Variants in EYS observed in about 807,000 individuals in gnomAD.
EYS encodes the protein protein eyes shut homolog.
Under a neutral mutation model 282.1 loss-of-function variants are expected in EYS, and 250 were observed. That is an observed-to-expected ratio of 0.89 (90% confidence interval 0.80 to 0.98). The LOEUF is 0.98. Ranked by LOEUF, EYS falls within the 50% of genes least tolerant of loss-of-function variation. The pLI is 0.00. For synonymous variants in EYS, 1,355 were observed against 1,282.9 expected, an observed-to-expected ratio of 1.06 and a Z score of -1.20; for missense variants, 4,016 against 3,709.0, an observed-to-expected ratio of 1.08 and a Z score of -2.15.
At chr6:64,462,604 T>A (rs1342944232) in intron 26 of EYS, among the ~76,000 whole-genome samples, 1 of 152,130 alleles carries the variant, frequency 6.6e-6, no homozygotes, top group Non-Finnish European at 1.5e-5. Flanking sequence ...GTGCTATCAA[T>A]CATCATGCTT....
chr6:63,764,550 C>A (rs1248212651), intron 40 of EYS, among the ~76,000 whole-genome samples: 1 of 151,834 alleles, frequency 6.6e-6, no homozygotes, highest in Non-Finnish European at 1.5e-5. Flanking sequence ...CATTTTATAT[C>A]TACTTGAAAA....
At chr6:64,413,665 A>G (rs1484794345) in intron 28 of EYS, among the ~76,000 whole-genome samples, 2 of 152,148 alleles carry the variant, frequency 1.3e-5, no homozygotes, top group Admixed American at 6.6e-5. Context: ...AATATAGAAA[A>G]TCAATGAAAT....
intron 32 of EYS, among the ~76,000 whole-genome samples, chr6:64,075,300 CAGAGA>C (rs1417179078): frequency 2.2e-4 from 34 of 151,918 alleles, no homozygotes; most frequent in Admixed American, 2.2e-3. Context: ...AGATGGCAGA[CAGAGA>C]AGCTCTGGGG....
rs1388490555 is a variant in EYS, at chr6:64,590,991, C to T, written c.4876G>A (p.Val1626Met). Reference protein sequence around the residue: ...EITPSVAFTEVPSLFPSKKSA... With the variant: ...EITPSVAFTEMPSLFPSKKSA... ...TTTTTAGAAGGAAATAAAGATGGCA[C>T]TTCTGTGAATGCCACTGATGGTGTT... The change falls in exon 26 of 43, where the codon GTG (valine) becomes ATG (methionine). Residue 1626 changes from valine (V) to methionine (M), a missense_variant. Coordinates refer to ENST00000503581, the MANE Select transcript of EYS (RefSeq NM_001142800.2). 1 of 1,551,170 alleles carries T rather than the reference C, an allele frequency of 6.4e-7. No homozygotes were observed. Among genetic ancestry groups the T allele is most frequent in the African/African-American group, 1.4e-5 (1 of 73,018 alleles).
At chr6:65,009,321 T>C (rs916960377) in intron 13 of EYS, among the ~76,000 whole-genome samples, 8 of 152,116 alleles carry the variant, frequency 5.3e-5, no homozygotes, top group African/African-American at 1.9e-4. Flanking sequence ...ATTCCAATTT[T>C]AGGAGTAAAG....
At chr6:64,346,562 G>A (rs1239477641) in intron 29 of EYS, among the ~76,000 whole-genome samples, 3 of 151,648 alleles carry the variant, frequency 2.0e-5, no homozygotes, top group Non-Finnish European at 4.4e-5. Context: ...TGGGGTGGGG[G>A]GAGTGGGGAG....
At chr6:64,014,141 T>G (rs1396281848) in intron 33 of EYS, among the ~76,000 whole-genome samples, 1 of 152,256 alleles carries the variant, frequency 6.6e-6, no homozygotes, top group East Asian at 1.9e-4. Context: ...GAAAGAAGTT[T>G]TTTTTTCAAG....
chr6:64,352,794 C>A (rs902159782), intron 29 of EYS, among the ~76,000 whole-genome samples: 9 of 151,222 alleles, frequency 6.0e-5, no homozygotes, highest in African/African-American at 2.2e-4. Context: ...TTGTTTTTGC[C>A]CCTTGGGAAA....
intron 24 of EYS, among the ~76,000 whole-genome samples, chr6:64,611,836 T>C (rs1767124551): frequency 6.6e-6 from 1 of 152,146 alleles, no homozygotes; most frequent in African/African-American, 2.4e-5. Context: ...TTACTTGAAT[T>C]CAAATAAGGA....
intron 16 of EYS, among the ~76,000 whole-genome samples, chr6:64,905,031 C>T (rs939569652): frequency 7.2e-5 from 11 of 152,150 alleles, no homozygotes; most frequent in African/African-American, 7.2e-5. Flanking sequence ...CATACAGTCA[C>T]GTGCTGCATA....
intron 22 of EYS, among the ~76,000 whole-genome samples, chr6:64,633,565 T>C (rs1042689219): frequency 5.3e-5 from 8 of 151,528 alleles, no homozygotes; most frequent in African/African-American, 1.5e-4. Context: ...GTTTGTCACA[T>C]TGAGCAACTG....
intron 22 of EYS, among the ~76,000 whole-genome samples, chr6:64,700,489 A>G (rs1770744696): frequency 6.6e-6 from 1 of 151,946 alleles, no homozygotes; most frequent in Non-Finnish European, 1.5e-5. Context: ...AAGGCTAAAG[A>G]CTCCTGCAAA....
chr6:65,317,777 T>TTCCTTCCTTCCTTCCTTC lies in EYS; in HGVS notation c.1766+17202_1766+17203insGAAGGAAGGAAGGAAGGA, dbSNP rs1769333110. Among the ~76,000 whole-genome samples the TTCCTTCCTTCCTTCCTTC allele has an allele frequency of 1.3e-3, 74 of 57,434 alleles. 3 individuals are homozygous for TTCCTTCCTTCCTTCCTTC. Among genetic ancestry groups the TTCCTTCCTTCCTTCCTTC allele is most frequent in the Non-Finnish European group, 1.6e-3 (42 of 25,490 alleles). 37.7% of individuals were successfully genotyped at this position (57,434 alleles called of 152,430 possible). A position where few individuals can be genotyped will look rare whatever the true frequency, so the allele number is the denominator to read the frequency against. On this transcript the variant is annotated intron_variant, in intron 11 of 42. Coordinates refer to ENST00000503581, the MANE Select transcript of EYS (RefSeq NM_001142800.2). ...GCTCTTGGCTGGAGGCTACATTTTC[T>TTCCTTCCTTCCTTCCTTC]CTTCCTTCCTTCCTTCCTTCCTTCC...
chr6:65,407,037 A>G (rs1018098394), intron 5 of EYS, among the ~76,000 whole-genome samples: 10 of 152,130 alleles, frequency 6.6e-5, no homozygotes, highest in African/African-American at 2.4e-4. Context: ...TATTAAATCA[A>G]TAGATAAAAT....
At chr6:65,188,704 G>T (rs1765569540) in intron 12 of EYS, among the ~76,000 whole-genome samples, 1 of 140,272 alleles carries the variant, frequency 7.1e-6, no homozygotes, top group Admixed American at 7.6e-5. Context: ...AAAAGTGGAA[G>T]AGGAAAGCAG....
chr6:64,468,292 C>G (rs767576051), intron 26 of EYS, among the ~76,000 whole-genome samples: 27 of 152,192 alleles, frequency 1.8e-4, no homozygotes, highest in Non-Finnish European at 3.2e-4. Flanking sequence ...AGAACTCACA[C>G]GAAGATTACA....
chr6:64,071,730 ATTC>A (rs1771587958), intron 32 of EYS, among the ~76,000 whole-genome samples: 1 of 150,914 alleles, frequency 6.6e-6, no homozygotes, highest in African/African-American at 2.4e-5. Context: ...TTTAAAAATT[ATTC>A]TTTAACAAAG....
At chr6:64,479,118 A>C (rs1776362145) in intron 26 of EYS, among the ~76,000 whole-genome samples, 3 of 151,974 alleles carry the variant, frequency 2.0e-5, no homozygotes, top group Non-Finnish European at 4.4e-5. Context: ...GTTAATCTTT[A>C]GGTAACGTGG....
chr6:65,589,534 A>T (rs531967458), intron 2 of EYS, among the ~76,000 whole-genome samples: 1 of 152,012 alleles, frequency 6.6e-6, no homozygotes, highest in East Asian at 1.9e-4. Context: ...TCTTATCTTG[A>T]ATTCTGCTTG....
Sources: allele counts gnomAD v4.1 joint callset (sites outside exome capture counted in the v4.1 genomes callset), GRCh38; gene constraint gnomAD v4.1.1; transcripts MANE v1.5; gene names NCBI Gene and HGNC (gene_info 2026-07-23, HGNC 2026-07-21).